Variants in CDH13 observed in about 807,000 individuals in gnomAD.
CDH13 encodes the protein cadherin-13.
A neutral mutation model predicts 63.8 loss-of-function variants in CDH13; 24 were observed. That is an observed-to-expected ratio of 0.38 (90% confidence interval 0.27 to 0.53). The LOEUF (loss-of-function observed/expected upper bound fraction) is 0.53. Ranked by LOEUF, CDH13 falls within the 20% of genes least tolerant of loss-of-function variation. CDH13 has a pLI of 0.85. For missense variants in CDH13, 1,049 were observed against 903.1 expected, an observed-to-expected ratio of 1.16 and a Z score of -2.07; for synonymous variants, 503 against 355.3, an observed-to-expected ratio of 1.42 and a Z score of -4.67.
At chr16:82,753,362 A>G (rs2034493117) in intron 1 of CDH13, among the ~76,000 whole-genome samples, 1 of 152,160 alleles carries the variant, frequency 6.6e-6, no homozygotes, top group South Asian at 2.1e-4. Flanking sequence ...CTCTTCAGAC[A>G]TCTCTTCTCT....
At chr16:83,290,507 C>A (rs2089440510) in intron 5 of CDH13, among the ~76,000 whole-genome samples, 1 of 152,100 alleles carries the variant, frequency 6.6e-6, no homozygotes. Flanking sequence ...GTGCCTTTGC[C>A]CCTCCTTTGC....
chr16:83,425,163 C>T (rs1318590936), intron 6 of CDH13, among the ~76,000 whole-genome samples: 10 of 152,156 alleles, frequency 6.6e-5, no homozygotes, highest in Non-Finnish European at 2.9e-5. Context: ...TCTGCTCTCC[C>T]GACATTAACC....
Position 83,796,611 on chromosome 16 carries a change from C to G in CDH13, c.*1581C>G, listed in dbSNP as rs544852775. 3 of 152,220 alleles carry G rather than the reference C, an allele frequency of 2.0e-5. No individual in the cohort carries two copies. The South Asian group carries it at 6.2e-4, about 32-fold the overall frequency. The allele number at this position is 152,220 out of a possible 1,614,324, so 9.4% of individuals were successfully genotyped here. ...GGTGGTTAAAACTGCTGGACAGTAACTGTTCTCTGATTTCTATCTTGTGTC... is the reference window on the plus strand; with the variant it reads ...GGTGGTTAAAACTGCTGGACAGTAAGTGTTCTCTGATTTCTATCTTGTGTC... On this transcript the variant is annotated 3_prime_UTR_variant, in exon 14 of 14. Coordinates refer to ENST00000567109, the MANE Select transcript of CDH13 (RefSeq NM_001257.5).
At chr16:83,130,856 T>C (rs2036012635) in intron 4 of CDH13, among the ~76,000 whole-genome samples, 1 of 152,184 alleles carries the variant, frequency 6.6e-6, no homozygotes, top group African/African-American at 2.4e-5. Flanking sequence ...GAAAGGAGAC[T>C]CATATCCTGA....
chr16:83,054,040 A>G (rs1220010808), intron 3 of CDH13, among the ~76,000 whole-genome samples: 1 of 152,204 alleles, frequency 6.6e-6, no homozygotes, highest in Non-Finnish European at 1.5e-5. Context: ...TTGTGTTACA[A>G]CTGCATACAG....
chr16:83,015,931 T>C (rs762437518), intron 2 of CDH13, among the ~76,000 whole-genome samples: 24 of 151,654 alleles, frequency 1.6e-4, no homozygotes, highest in Non-Finnish European at 2.9e-4. Flanking sequence ...ATAATTCAAA[T>C]AGGGTGGAAA....
intron 5 of CDH13, among the ~76,000 whole-genome samples, chr16:83,267,090 G>A (rs571895447): frequency 7.2e-5 from 11 of 152,202 alleles, no homozygotes; most frequent in Non-Finnish European, 1.2e-4. Context: ...GGGAGGAGCT[G>A]GTGAAATCCT....
At chr16:83,380,437 T>G (rs1035794424) in intron 6 of CDH13, among the ~76,000 whole-genome samples, 1 of 152,180 alleles carries the variant, frequency 6.6e-6, no homozygotes, top group African/African-American at 2.4e-5. Context: ...TATTTGAAGA[T>G]AAAAGACGTG....
chr16:83,140,730 CA>C (rs1313761408), intron 4 of CDH13, among the ~76,000 whole-genome samples: 2 of 152,208 alleles, frequency 1.3e-5, no homozygotes, highest in African/African-American at 4.8e-5. Flanking sequence ...GCTGGGATTA[CA>C]GGTGCGAGCC....
chr16:83,141,127 C>G (rs952832450), intron 4 of CDH13, among the ~76,000 whole-genome samples: 2 of 152,186 alleles, frequency 1.3e-5, no homozygotes, highest in South Asian at 2.1e-4. Context: ...TATCTTCTCC[C>G]TCTCCTGATT....
At chr16:82,821,015 C>G (rs1055439649) in intron 1 of CDH13, among the ~76,000 whole-genome samples, 2 of 152,088 alleles carry the variant, frequency 1.3e-5, no homozygotes, top group Non-Finnish European at 2.9e-5. Flanking sequence ...ATGAGGCCAT[C>G]AGTTACAGCG....
intron 5 of CDH13, among the ~76,000 whole-genome samples, chr16:83,319,498 A>G (rs551928812): frequency 8.5e-5 from 13 of 152,332 alleles, no homozygotes; most frequent in African/African-American, 3.1e-4. Context: ...CATGTGAAAA[A>G]CAGGCCGAAT....
chr16:83,394,020 C>T (rs954944101), intron 6 of CDH13, among the ~76,000 whole-genome samples: 3 of 152,070 alleles, frequency 2.0e-5, no homozygotes, highest in Non-Finnish European at 4.4e-5. Flanking sequence ...ACCGCCTGTT[C>T]TCGTAAGTGG....
rs1904283460 is a variant in CDH13, at chr16:83,796,755, T to A, written c.*1725T>A. On this transcript the variant is annotated 3_prime_UTR_variant, in exon 14 of 14. Coordinates refer to ENST00000567109, the MANE Select transcript of CDH13 (RefSeq NM_001257.5). ...TCTATGAAGACAGAAGTACCAGTTC[T>A]CAGCATGGGCCATGGACTCATCTTG... 1 of 152,222 alleles carries A rather than the reference T, an allele frequency of 6.6e-6. No homozygotes were observed. The highest frequency in any genetic ancestry group is 1.5e-5 in the Non-Finnish European group (1 of 68,048). 9.4% of individuals were successfully genotyped at this position (152,222 alleles called of 1,614,324 possible). A position where few individuals can be genotyped will look rare whatever the true frequency, so the allele number is the denominator to read the frequency against.
At chr16:83,432,191 A>G (rs1468723744) in intron 6 of CDH13, among the ~76,000 whole-genome samples, 5 of 152,108 alleles carry the variant, frequency 3.3e-5, no homozygotes, top group African/African-American at 4.8e-5. Context: ...TGACGTGGGA[A>G]TCTTTTATCC....
At chr16:83,569,578 C>T (rs1904378376) in intron 7 of CDH13, among the ~76,000 whole-genome samples, 1 of 152,166 alleles carries the variant, frequency 6.6e-6, no homozygotes, top group South Asian at 2.1e-4. Context: ...TTCCATCAGG[C>T]TCAATTGTGA....
intron 1 of CDH13, chr16:82,639,304 A>C: frequency 7.8e-7 from 1 of 1,274,770 alleles, no homozygotes; most frequent in East Asian, 2.6e-5. Context: ...CCTTCAGAAC[A>C]GGGTCAGCCC....
chr16:83,232,673 C>T (rs919249259), intron 5 of CDH13, among the ~76,000 whole-genome samples: 4 of 152,110 alleles, frequency 2.6e-5, no homozygotes, highest in African/African-American at 9.7e-5. Context: ...TGAGTCCTCC[C>T]CAGAAGCTGA....
intron 9 of CDH13, among the ~76,000 whole-genome samples, chr16:83,673,189 A>C (rs1243973374): frequency 6.6e-6 from 1 of 152,236 alleles, no homozygotes; most frequent in African/African-American, 2.4e-5. Context: ...ACTGTTGTCA[A>C]GTACACAATA....
Sources: gnomAD v4.1 joint callset for allele counts (sites outside exome capture counted in the v4.1 genomes callset) on GRCh38, gnomAD v4.1.1 for gene constraint, MANE v1.5 for transcripts, NCBI Gene and HGNC (gene_info 2026-07-23, HGNC 2026-07-21) for gene names.